Variants in CNTN4 observed in about 807,000 individuals in gnomAD.
CNTN4 encodes the protein contactin-4.
In CNTN4, 77 loss-of-function variants were observed where a neutral mutation model predicts 122.5. That is an observed-to-expected ratio of 0.63 (90% CI 0.52 to 0.76). CNTN4 has a LOEUF of 0.76. Among genes scored for constraint, CNTN4 ranks in the 30% least tolerant of loss-of-function variants. CNTN4 has a pLI of 0.00. For synonymous variants in CNTN4, 512 were observed against 447.0 expected (o/e 1.15, Z -1.83); for missense variants, 1,256 against 1,259.1 (o/e 1.00, Z 0.04).
chr3:2,628,972 G>A (rs1275829552), intron 4 of CNTN4, among the ~76,000 whole-genome samples: 1 of 152,140 alleles, frequency 6.6e-6, no homozygotes, highest in Non-Finnish European at 1.5e-5. Flanking sequence ...AAATCCAACT[G>A]CTGTTACAGT....
intron 3 of CNTN4, among the ~76,000 whole-genome samples, chr3:2,462,287 G>A (rs898515110): frequency 6.6e-6 from 1 of 152,092 alleles, no homozygotes; most frequent in Non-Finnish European, 1.5e-5. Flanking sequence ...GAATGTTACT[G>A]TTTAGTATGT....
chr3:2,904,582 A>T (rs947929666), intron 12 of CNTN4, among the ~76,000 whole-genome samples: 1 of 152,138 alleles, frequency 6.6e-6, no homozygotes, highest in Non-Finnish European at 1.5e-5. Flanking sequence ...TCCTAAACAC[A>T]CATACTTCTC....
intron 8 of CNTN4, among the ~76,000 whole-genome samples, chr3:2,878,919 G>A (rs2093876436): frequency 6.6e-6 from 1 of 152,120 alleles, no homozygotes; most frequent in Non-Finnish European, 1.5e-5. Flanking sequence ...ATGAGAATAT[G>A]CCCACACAAA....
chr3:2,909,479 C>A (rs1228737597), intron 12 of CNTN4, among the ~76,000 whole-genome samples: 3 of 151,312 alleles, frequency 2.0e-5, no homozygotes, highest in African/African-American at 7.3e-5. Flanking sequence ...GCCATGAAAT[C>A]ACCAGTAAAT....
intron 2 of CNTN4, among the ~76,000 whole-genome samples, chr3:2,161,855 C>A (rs1315984832): frequency 6.6e-6 from 1 of 152,068 alleles, no homozygotes; most frequent in Non-Finnish European, 1.5e-5. Flanking sequence ...CAGTGTTCTT[C>A]CACGACAGTA....
chr3:2,429,161 AT>A (rs1180095778), intron 3 of CNTN4, among the ~76,000 whole-genome samples: 2 of 152,124 alleles, frequency 1.3e-5, no homozygotes, highest in Admixed American at 6.5e-5. Context: ...AGGCCCTCTG[AT>A]TTTTAGAATT....
At chr3:2,386,188 T>C (rs994948468) in intron 3 of CNTN4, among the ~76,000 whole-genome samples, 2 of 151,866 alleles carry the variant, frequency 1.3e-5, no homozygotes, top group Non-Finnish European at 2.9e-5. Context: ...TGAGTGCTTA[T>C]TGAACTCAAA....
At chr3:2,994,931 T>A (rs1295523509) in intron 14 of CNTN4, among the ~76,000 whole-genome samples, 1 of 152,186 alleles carries the variant, frequency 6.6e-6, no homozygotes. Flanking sequence ...TGGTCCCTTA[T>A]AACTGAATAC....
At chr3:2,610,327 T>G (rs932427598) in intron 4 of CNTN4, among the ~76,000 whole-genome samples, 1 of 152,200 alleles carries the variant, frequency 6.6e-6, no homozygotes, top group Non-Finnish European at 1.5e-5. Context: ...TGGGATAATT[T>G]TATTTCTTCA....
intron 14 of CNTN4, among the ~76,000 whole-genome samples, chr3:3,024,809 C>G (rs1003825955): frequency 6.6e-6 from 1 of 152,144 alleles, no homozygotes; most frequent in Non-Finnish European, 1.5e-5. Flanking sequence ...CACAAAAATT[C>G]TCCTGTCAGA....
intron 2 of CNTN4, among the ~76,000 whole-genome samples, chr3:2,337,534 C>A (rs191542324): frequency 6.6e-6 from 1 of 151,994 alleles, no homozygotes; most frequent in East Asian, 1.9e-4. Flanking sequence ...CTGTTATTGT[C>A]CCCACTTTAA....
At position 2,270,036 on chromosome 3, in the gene CNTN4, G is replaced by A. The variant is rs1356539887; in HGVS notation, c.-144-69142G>A. On this transcript the variant is annotated intron_variant, in intron 2 of 24. Coordinates refer to ENST00000418658, the MANE Select transcript of CNTN4 (RefSeq NM_175607.3). ...GCAATCTCGGCTCACTGCAAGCTCC[G>A]CTTCCCGGGTTCACGCCATTCTCCT... Among the ~76,000 whole-genome samples, 15 of 97,128 alleles carry A rather than the reference G, an allele frequency of 1.5e-4. 2 individuals carry two copies. The highest frequency in any genetic ancestry group is 4.5e-4 in the African/African-American group (14 of 31,078). 63.7% of individuals were successfully genotyped at this position (97,128 alleles called of 152,430 possible).
intron 3 of CNTN4, among the ~76,000 whole-genome samples, chr3:2,465,231 G>T (rs994363913): frequency 6.6e-6 from 1 of 152,112 alleles, no homozygotes; most frequent in Non-Finnish European, 1.5e-5. Flanking sequence ...TCCTGATGAG[G>T]ACTTCAGTGA....
At chr3:2,666,586 C>CTTTTTTA (rs1553605778) in intron 4 of CNTN4, among the ~76,000 whole-genome samples, 6 of 151,474 alleles carry the variant, frequency 4.0e-5, no homozygotes, top group East Asian at 3.9e-4. Context: ...ATAAAATGTT[C>CTTTTTTA]TTTTTTTATT....
chr3:2,585,109 T>C (rs567566692), intron 4 of CNTN4, among the ~76,000 whole-genome samples: 1 of 152,310 alleles, frequency 6.6e-6, no homozygotes, highest in East Asian at 1.9e-4. Context: ...AACTGATGTT[T>C]TTACATCAAA....
intron 23 of CNTN4, among the ~76,000 whole-genome samples, chr3:3,047,368 T>C (rs565811713): frequency 6.6e-6 from 1 of 152,320 alleles, no homozygotes; most frequent in East Asian, 1.9e-4. Flanking sequence ...ATTGACCTCA[T>C]AGGTGGAAGT....
chr3:2,633,392 A>G (rs570976810), intron 4 of CNTN4, among the ~76,000 whole-genome samples: 45 of 152,254 alleles, frequency 3.0e-4, no homozygotes, highest in South Asian at 1.0e-3. Context: ...TATGCGTCCA[A>G]ATTCTGCTCC....
intron 14 of CNTN4, among the ~76,000 whole-genome samples, chr3:3,025,152 G>A (rs889733505): frequency 6.6e-6 from 1 of 152,158 alleles, no homozygotes; most frequent in Non-Finnish European, 1.5e-5. Flanking sequence ...AAGGCACTAT[G>A]GGTGTGAATG....
chr3:2,288,497 C>T (rs2042020287), intron 2 of CNTN4, among the ~76,000 whole-genome samples: 1 of 152,022 alleles, frequency 6.6e-6, no homozygotes. Flanking sequence ...CAAATACTTC[C>T]CATTAGGCCC....
Sources: gnomAD v4.1 joint callset for allele counts (sites outside exome capture counted in the v4.1 genomes callset) on GRCh38, gnomAD v4.1.1 for gene constraint, MANE v1.5 for transcripts, NCBI Gene and HGNC (gene_info 2026-07-23, HGNC 2026-07-21) for gene names.